SPSB1: variants seen among roughly 807,000 people sequenced by gnomAD.
SPSB1 encodes SPRY domain-containing SOCS box protein 1.
SPSB1 carries 8 observed loss-of-function variants against 21.2 expected under a neutral mutation model. That is an observed-to-expected ratio of 0.38 (90% CI 0.22 to 0.68). SPSB1 has a LOEUF of 0.68. SPSB1 is among the 30% of genes least tolerant of loss of function. The pLI is 0.53. For missense variants in SPSB1, 242 were observed against 377.8 expected (o/e 0.64, Z 2.98); for synonymous variants, 169 against 161.7 (o/e 1.05, Z -0.34).
At chr1:9,294,262 GTGTCTCTGTGTC>G (rs1491374928) in intron 1 of SPSB1, among the ~76,000 whole-genome samples, 1 of 76,916 alleles carries the variant, frequency 1.3e-5, no homozygotes, top group Non-Finnish European at 3.5e-5. Context: ...GTGTCCACAC[GTGTCTCTGTGTC>G]TGTCTCTGTG....
chr1:9,342,121 T>A (rs1640100947), intron 1 of SPSB1, among the ~76,000 whole-genome samples: 1 of 151,922 alleles, frequency 6.6e-6, no homozygotes, highest in Non-Finnish European at 1.5e-5. Context: ...ACTTGTGGGG[T>A]GGGTGAGCAA....
chr1:9,332,739 G>A (rs1167035741), intron 1 of SPSB1, among the ~76,000 whole-genome samples: 1 of 152,314 alleles, frequency 6.6e-6, no homozygotes, highest in Middle Eastern at 3.4e-3. Flanking sequence ...GGGCATGGTG[G>A]TATTTTCAGA....
At chr1:9,295,454 C>A (rs1639205699) in intron 1 of SPSB1, among the ~76,000 whole-genome samples, 1 of 152,160 alleles carries the variant, frequency 6.6e-6, no homozygotes, top group Non-Finnish European at 1.5e-5. Flanking sequence ...GGTTTCAGGG[C>A]TCTTAGGAAG....
intron 1 of SPSB1, among the ~76,000 whole-genome samples, chr1:9,307,957 C>T (rs1025753344): frequency 3.3e-5 from 5 of 152,108 alleles, no homozygotes; most frequent in African/African-American, 1.2e-4. Flanking sequence ...CCATGGGGAC[C>T]GACCCTGAGG....
chr1:9,338,881 G>A (rs920968187), intron 1 of SPSB1, among the ~76,000 whole-genome samples: 1 of 152,266 alleles, frequency 6.6e-6, no homozygotes, highest in African/African-American at 2.4e-5. Context: ...TGGGGAGGGT[G>A]CAGCAGCCAC....
chr1:9,333,364 T>G (rs981559647), intron 1 of SPSB1, among the ~76,000 whole-genome samples: 2 of 148,122 alleles, frequency 1.4e-5, no homozygotes, highest in Admixed American at 1.4e-4. Context: ...AGAGTCTCAC[T>G]CTGTTGCCCA....
At position 9,346,935 on chromosome 1, in the gene SPSB1, G is replaced by A. The variant is rs746020012; in HGVS notation, c.-149-8808G>A. The stretch of plus-strand genomic sequence containing the variant: ...TCTGTAATTTTGAAACAGTATAATC[G>A]GAAGTCTTGGGATAGATCACTGTAG... On this transcript the variant is annotated intron_variant, in intron 1 of 2. Transcript: ENST00000328089. The surrounding 1 kb of genome is among the most constrained non-coding windows in gnomAD (Gnocchi z 4.4). Among the ~76,000 whole-genome samples, 6 of 152,204 alleles carry A rather than the reference G, an allele frequency of 3.9e-5. No individual in the cohort carries two copies. Among genetic ancestry groups the A allele is most frequent in the Admixed American group, 1.3e-4 (2 of 15,286 alleles).
chr1:9,347,860 A>T (rs564733509), intron 1 of SPSB1, among the ~76,000 whole-genome samples: 22 of 151,824 alleles, frequency 1.4e-4, no homozygotes, highest in African/African-American at 4.3e-4. Context: ...AGGCTGCCCC[A>T]GTTCAGGGTC....
chr1:9,363,119 C>T lies in SPSB1; in HGVS notation c.695-4329C>T, dbSNP rs1467048111. On this transcript the variant is annotated intron_variant, in intron 2 of 2. Transcript: ENST00000328089. This position sits in a 1 kb window ranked among gnomAD's most constrained non-coding sequence, Gnocchi z 4.5. ...GGGGGCTGGGCATTTTTTCACGGCA[C>T]GAAGCCCACGTCTGTTTCTGTGGCC... 6.6e-6 allele frequency among the ~76,000 whole-genome samples: 1 copy of T among 152,118 alleles called. No individual in the cohort carries two copies. Among genetic ancestry groups the T allele is most frequent in the South Asian group, 2.1e-4 (1 of 4,826 alleles).
chr1:9,361,639 C>T (rs1460264355), intron 2 of SPSB1, among the ~76,000 whole-genome samples: 1 of 152,260 alleles, frequency 6.6e-6, no homozygotes, highest in Non-Finnish European at 1.5e-5. Context: ...GCGGCCTCCC[C>T]ACTGTCCAGC....
intron 1 of SPSB1, among the ~76,000 whole-genome samples, chr1:9,332,064 C>T (rs1639930881): frequency 6.6e-6 from 1 of 152,152 alleles, no homozygotes; most frequent in South Asian, 2.1e-4. Context: ...TTTAAAAAAG[C>T]CTTGGCCAGA....
At chr1:9,335,060 G>T (rs1195147506) in intron 1 of SPSB1, among the ~76,000 whole-genome samples, 1 of 152,198 alleles carries the variant, frequency 6.6e-6, no homozygotes, top group East Asian at 1.9e-4. Context: ...TGAACACCCA[G>T]AAGTGGATTT....
intron 1 of SPSB1, among the ~76,000 whole-genome samples, chr1:9,303,468 G>T (rs533083407): frequency 8.5e-5 from 13 of 152,172 alleles, no homozygotes; most frequent in Non-Finnish European, 1.6e-4. Context: ...TCCCTATTTT[G>T]TTCAGAATAC....
chr1:9,304,136 C>T (rs1029290240), intron 1 of SPSB1, among the ~76,000 whole-genome samples: 3 of 152,216 alleles, frequency 2.0e-5, no homozygotes, highest in African/African-American at 7.2e-5. Context: ...GGAGCTGGGA[C>T]ATCCTCCTTC....
At chr1:9,331,075 T>C (rs1167971636) in intron 1 of SPSB1, among the ~76,000 whole-genome samples, 1 of 152,180 alleles carries the variant, frequency 6.6e-6, no homozygotes, top group African/African-American at 2.4e-5. Context: ...TAGAATGGGC[T>C]CTCCTTTCAT....
At chr1:9,295,796 C>G (rs1014418066) in intron 1 of SPSB1, among the ~76,000 whole-genome samples, 8 of 152,188 alleles carry the variant, frequency 5.3e-5, no homozygotes, top group African/African-American at 1.9e-4. Context: ...TTACGGTGTT[C>G]ATGAGTTCGT....
At chr1:9,365,818 G>T (rs1640560374) in intron 2 of SPSB1, among the ~76,000 whole-genome samples, 1 of 152,186 alleles carries the variant, frequency 6.6e-6, no homozygotes, top group Non-Finnish European at 1.5e-5. Flanking sequence ...TCAAAGTCAA[G>T]GGGAGACCGT....
chr1:9,355,265 G>A (rs1484123148), intron 1 of SPSB1, among the ~76,000 whole-genome samples: 2 of 152,206 alleles, frequency 1.3e-5, no homozygotes, highest in African/African-American at 2.4e-5. Flanking sequence ...CAGGGAGGAG[G>A]AGCTGGGATT....
intron 1 of SPSB1, among the ~76,000 whole-genome samples, chr1:9,330,642 T>TCCTCCCCTCCTTTTTCTCTCCCTTC (rs1368224446): frequency 4.6e-5 from 7 of 151,902 alleles, no homozygotes; most frequent in Non-Finnish European, 8.8e-5. Context: ...CCTCTTCCTT[T>TCCTCCCCTCCTTTTTCTCTCCCTTC]CCTCCCCTCC....
Sources: gnomAD v4.1 joint callset for allele counts (sites outside exome capture counted in the v4.1 genomes callset) on GRCh38, gnomAD v4.1.1 for gene constraint, Gnocchi (gnomAD v3.1) non-coding constraint, MANE v1.5 for transcripts, NCBI Gene and HGNC (gene_info 2026-07-23, HGNC 2026-07-21) for gene names.